SFMBT2: variants seen among roughly 807,000 people sequenced by gnomAD.
SFMBT2 encodes Scm like with four mbt domains 2, also known as scm-like with four MBT domains protein 2.
A neutral mutation model predicts 110.1 loss-of-function variants in SFMBT2; 38 were observed. The observed-to-expected ratio is 0.35, with a 90% CI of 0.27 to 0.45. The LOEUF is 0.45. SFMBT2 is among the 20% of genes least tolerant of loss of function. SFMBT2 has a pLI of 1.00. For missense variants in SFMBT2, 1,011 were observed against 1,094.9 expected (o/e 0.92, Z 1.08); for synonymous variants, 425 against 425.4 (o/e 1.00, Z 0.01).
At chr10:7,369,217 A>C (rs1588487381) in intron 3 of SFMBT2, among the ~76,000 whole-genome samples, 2 of 152,218 alleles carry the variant, frequency 1.3e-5, no homozygotes, top group Admixed American at 1.3e-4. Context: ...CATTCAGCCA[A>C]GGAGCCAAAA....
chr10:7,368,711 T>A (rs940624348), intron 3 of SFMBT2, among the ~76,000 whole-genome samples: 9 of 152,190 alleles, frequency 5.9e-5, no homozygotes, highest in African/African-American at 1.9e-4. Context: ...GAAGGAAAAA[T>A]TGTGATCAAT....
At chr10:7,205,459 A>T (rs1839098536) in intron 12 of SFMBT2, 21 of 985,300 alleles carry the variant, frequency 2.1e-5, no homozygotes, top group Non-Finnish European at 2.5e-5. Flanking sequence ...GAGAAGCTAC[A>T]TGAGAAAAAT....
chr10:7,220,017 A>G lies in SFMBT2; in HGVS notation c.1330+394T>C, dbSNP rs1839673132. Among the ~76,000 whole-genome samples the G allele has an allele frequency of 2.0e-5, 3 of 152,360 alleles. No individual in the cohort carries two copies. The South Asian group carries it at 6.2e-4, about 32-fold the overall frequency. ...TTGAGGAAGAATTAAACAACTACGA[A>G]AGAAATCAAAGTAAAGGATATAACC... On this transcript the variant is annotated intron_variant, in intron 11 of 20. Coordinates refer to ENST00000397167, the MANE Select transcript of SFMBT2 (RefSeq NM_001387889.1).
intron 7 of SFMBT2, among the ~76,000 whole-genome samples, chr10:7,272,014 A>C (rs1427913019): frequency 6.6e-6 from 1 of 152,162 alleles, no homozygotes; most frequent in Non-Finnish European, 1.5e-5. Flanking sequence ...CAAGGTACAA[A>C]GGGCGTTACA....
intron 10 of SFMBT2, among the ~76,000 whole-genome samples, 158 bp downstream of exon 10, chr10:7,227,697 A>C (rs759063861): frequency 3.3e-5 from 5 of 152,206 alleles, no homozygotes; most frequent in Non-Finnish European, 7.3e-5. Flanking sequence ...CAAATATACA[A>C]CCTGAAAGCA....
chr10:7,290,426 A>T (rs1245099906), intron 4 of SFMBT2, among the ~76,000 whole-genome samples: 1 of 152,218 alleles, frequency 6.6e-6, no homozygotes, highest in East Asian at 1.9e-4. Context: ...ACAGTGAAGG[A>T]AGGAATCATG....
At chr10:7,380,365 A>C (rs1331718243) in intron 2 of SFMBT2, among the ~76,000 whole-genome samples, 2 of 152,224 alleles carry the variant, frequency 1.3e-5, no homozygotes, top group Non-Finnish European at 2.9e-5. Flanking sequence ...CCTTCAACAC[A>C]GTAAGGCCTT....
At chr10:7,337,810 T>A (rs1227497566) in intron 4 of SFMBT2, among the ~76,000 whole-genome samples, 1 of 152,218 alleles carries the variant, frequency 6.6e-6, no homozygotes, top group Non-Finnish European at 1.5e-5. Context: ...TGGAATCAAC[T>A]GAAGACGAAA....
intron 4 of SFMBT2, among the ~76,000 whole-genome samples, chr10:7,306,382 TTG>T (rs1842699049): frequency 6.6e-6 from 1 of 152,266 alleles, no homozygotes; most frequent in Admixed American, 6.5e-5. Flanking sequence ...ATTCAAATTT[TTG>T]TGTCCGTAAA....
chr10:7,248,667 A>T lies in SFMBT2; in HGVS notation c.871-18T>A, dbSNP rs766606171. On this transcript the variant is annotated intron_variant, in intron 7 of 20. Coordinates refer to ENST00000397167, the MANE Select transcript of SFMBT2 (RefSeq NM_001387889.1). ...GCGTGATCCTGCAGGGAGAAAGATG[A>T]AAATATTGAAAGCCACGGTATTGTA... The T allele has an allele frequency of 2.5e-6, 4 of 1,610,830 alleles. No homozygotes were observed. The African/African-American group carries it at 5.3e-5, about 22-fold the overall frequency.
At chr10:7,167,140 T>C (rs772786886) in intron 20 of SFMBT2, among the ~76,000 whole-genome samples, 30 of 152,166 alleles carry the variant, frequency 2.0e-4, no homozygotes, top group Non-Finnish European at 3.5e-4. Flanking sequence ...TCTAGAGAAG[T>C]AGAGAAAGGA....
chr10:7,236,471 G>A (rs1840259242), intron 9 of SFMBT2, among the ~76,000 whole-genome samples: 1 of 152,136 alleles, frequency 6.6e-6, no homozygotes, highest in Non-Finnish European at 1.5e-5. Context: ...AAAGAACAGG[G>A]TTAAGAGTCA....
intron 9 of SFMBT2, among the ~76,000 whole-genome samples, chr10:7,230,114 A>G (rs962996602): frequency 6.6e-6 from 1 of 152,010 alleles, no homozygotes; most frequent in South Asian, 2.1e-4. Context: ...TGACCTTCCC[A>G]TATCCTGCTG....
rs1332243492 is a variant in SFMBT2 at position 7,163,757 on chromosome 10, C to T, written c.*13G>A. ...GCATCCCAGCAATAATGGGCCACCT[C>T]CCGAGGGCAGACTCAGTTGGCGTAC... On this transcript the variant is annotated 3_prime_UTR_variant, in exon 21 of 21. Coordinates refer to ENST00000397167, the MANE Select transcript of SFMBT2 (RefSeq NM_001387889.1). The surrounding 1 kb of genome is among the most constrained non-coding windows in gnomAD (Gnocchi z 4.8). The T allele has an allele frequency of 5.0e-6, 8 of 1,612,334 alleles. No homozygotes were observed. The highest frequency in any genetic ancestry group is 6.8e-6 in the Non-Finnish European group (8 of 1,178,908).
chr10:7,247,216 A>G (rs1469343436), intron 8 of SFMBT2, among the ~76,000 whole-genome samples: 2 of 152,178 alleles, frequency 1.3e-5, no homozygotes, highest in Non-Finnish European at 2.9e-5. Context: ...TCCCAGGTTC[A>G]AGCGATTCTC....
chr10:7,362,552 A>C (rs1844757878), intron 4 of SFMBT2, among the ~76,000 whole-genome samples: 1 of 152,234 alleles, frequency 6.6e-6, no homozygotes, highest in Non-Finnish European at 1.5e-5. Context: ...GTGTCCTCGA[A>C]GATCTGGAGC....
At chr10:7,265,044 C>A (rs1841334739) in intron 7 of SFMBT2, among the ~76,000 whole-genome samples, 1 of 150,852 alleles carries the variant, frequency 6.6e-6, no homozygotes, top group Middle Eastern at 3.4e-3. Context: ...TTGTGAGCAA[C>A]AGGATTTCGT....
chr10:7,176,018 G>C lies in SFMBT2; in HGVS notation c.1956C>G (p.Asn652Lys), dbSNP rs770416832. Residue 652 changes from asparagine to lysine, a missense_variant, in exon 17 of 21, where the codon AAC becomes AAG. Physicochemically the swap from Asn to Lys is moderately conservative, Grantham distance 94. This residue lies in a region of SFMBT2 where 979 missense variants were observed against 1,016.1 expected (regional missense o/e 0.96). Transcript: ENST00000397167. Reference protein sequence around the residue: ...PVLISENCPENCSIHTKTKYT... With the variant: ...PVLISENCPEKCSIHTKTKYT... Reference sequence around the variant, plus strand: ...ATTTGGTTTTGGTATGAATGGAGCAGTTCTCTGGGCAGTTTTCAGATATCA... The same window carrying C: ...ATTTGGTTTTGGTATGAATGGAGCACTTCTCTGGGCAGTTTTCAGATATCA... The C allele has an allele frequency of 6.2e-7, 1 of 1,614,206 alleles. No individual in the cohort carries two copies. The highest frequency in any genetic ancestry group is 1.1e-5 in the South Asian group (1 of 91,090).
intron 7 of SFMBT2, among the ~76,000 whole-genome samples, chr10:7,270,126 C>G (rs1841534316): frequency 6.6e-6 from 1 of 152,128 alleles, no homozygotes; most frequent in South Asian, 2.1e-4. Context: ...CAGGGCCAGT[C>G]AAATGACGGT....
Sources: allele counts gnomAD v4.1 joint callset (sites outside exome capture counted in the v4.1 genomes callset), GRCh38; gene constraint gnomAD v4.1.1; regional missense constraint gnomAD v4.1.1; non-coding constraint Gnocchi (gnomAD v3.1); transcripts MANE v1.5; gene names NCBI Gene and HGNC (gene_info 2026-07-23, HGNC 2026-07-21).